The following AARS2 variants were observed in gnomAD, a reference collection of about 807,000 sequenced individuals.
The protein encoded by AARS2 is alanine--tRNA ligase, mitochondrial.
Under a neutral mutation model 119.7 loss-of-function variants are expected in AARS2, and 78 were observed. The ratio of observed to expected loss-of-function variants is 0.65; its 90% confidence interval spans 0.54 to 0.79. AARS2 has a LOEUF of 0.79. AARS2 is among the 30% of genes least tolerant of loss of function. AARS2 has a pLI of 0.00. For missense variants in AARS2, 1,157 were observed against 1,291.3 expected, an observed-to-expected ratio of 0.90 and a Z score of 1.59; for synonymous variants, 502 against 526.3, an observed-to-expected ratio of 0.95 and a Z score of 0.63.
rs545566267 is a variant in AARS2, at chr6:44,312,205, C to T, written c.302G>A (p.Arg101His). The change falls in exon 2 of 22, where the codon CGT (arginine) becomes CAT (histidine). Residue 101 changes from arginine (R) to histidine (H), a missense_variant. Transcript: ENST00000244571. ...CACACATTTCTGGCTGTTGGCCACA[C>T]GTCGGAAGCCTGCCATCTCGCTTCG... ...DPRSEMAGFR[R>H]VANSQKCVRA... The T allele has an allele frequency of 4.3e-6, 7 of 1,614,008 alleles. No individual in the cohort carries two copies. The African/African-American group carries it at 6.7e-5, about 15-fold the overall frequency.
At chr6:44,312,286 G>C (rs1786427763) in intron 1 of AARS2, 23 bp from the exon 2 acceptor site, 1 of 1,609,360 alleles carries the variant, frequency 6.2e-7, no homozygotes. Context: ...AGAGTGGGGA[G>C]GGGGAGAGGG....
rs1248848341 is a variant in AARS2 at position 44,304,709 on chromosome 6, T to C, written c.1688A>G (p.Asn563Ser). The change falls in exon 12 of 22, where the codon AAC becomes AGC. Residue 563 changes from asparagine (N) to serine (S), a missense_variant. Physicochemically the swap from Asn to Ser is conservative, Grantham distance 46. Coordinates refer to ENST00000244571, the MANE Select transcript of AARS2 (RefSeq NM_020745.4). ...QRCGLLLDRT[N>S]FYAEQGGQAS... The stretch of plus-strand genomic sequence containing the variant: ...CTGGCCCCCCTGTTCTGCGTAGAAG[T>C]TGGTCCTGTCCAAGAGGAGGCCACA... 2 of 1,614,076 alleles carry C rather than the reference T, an allele frequency of 1.2e-6. No homozygotes were observed. Among genetic ancestry groups the C allele is most frequent in the Non-Finnish European group, 1.7e-6 (2 of 1,180,040 alleles).
Position 44,302,080 on chromosome 6 carries a change from G to A in AARS2, c.2578C>T (p.Arg860Cys), listed in dbSNP as rs150351026. 34 of 1,613,986 alleles carry A rather than the reference G, an allele frequency of 2.1e-5. No individual in the cohort carries two copies. The African/African-American group carries it at 2.4e-4, about 11-fold the overall frequency. Residue 860 changes from arginine (R) to cysteine (C), a missense_variant, in exon 19 of 22, where the codon CGT becomes TGT. By Grantham distance (180) the Arg-to-Cys change is radical (BLOSUM62 -3). Transcript: ENST00000244571. ...MLQRRANTAI[R>C]KLQMGQAAKK... is the part of the protein sequence containing the mutation. ...CTCACCTGTCCCATTTGCAGCTTAC[G>A]GATGGCAGTGTTGGCACGCCGCTGC...
chr6:44,305,920 G>T lies in AARS2; in HGVS notation c.1301-134C>A. The T allele has an allele frequency of 9.0e-7, 1 of 1,110,478 alleles. No individual in the cohort carries two copies. The allele number at this position is 1,110,478 out of a possible 1,614,324, so 68.8% of individuals were successfully genotyped here. A position where few individuals can be genotyped will look rare whatever the true frequency, so the allele number is the denominator to read the frequency against. On this transcript the variant is annotated intron_variant, in intron 9 of 21. Coordinates refer to ENST00000244571, the MANE Select transcript of AARS2 (RefSeq NM_020745.4). This position sits in a 1 kb window ranked among gnomAD's most constrained non-coding sequence, Gnocchi z 4.6. ...AAACACAAATACCCGCTCCATACTG[G>T]GTAGCCTCAGGAGAGGGGTCACATT...
chr6:44,307,367 G>GGCCCAAGTAAGGGGGT lies in AARS2; in HGVS notation c.906_921dup (p.Arg308ThrfsTer24). On this transcript the variant is annotated frameshift_variant, in exon 6 of 22. Coordinates refer to ENST00000244571, the MANE Select transcript of AARS2 (RefSeq NM_020745.4). LOFTEE classifies it high-confidence loss of function. The surrounding 1 kb of genome is among the most constrained non-coding windows in gnomAD (Gnocchi z 4.4). ...CGCCCCTCGTCTGCCACCCCTACTC[G>GGCCCAAGTAAGGGGGT]GCCCAAGTAAGGGGGTGCCCTGCAG... 6.2e-7 allele frequency: 1 copy of GGCCCAAGTAAGGGGGT among 1,608,790 alleles called. No homozygotes were observed. The highest frequency in any genetic ancestry group is 1.1e-5 in the South Asian group (1 of 90,060).
chr6:44,303,353 G>A lies in AARS2; in HGVS notation c.2078C>T (p.Ala693Val). The A allele has an allele frequency of 1.2e-6, 2 of 1,614,060 alleles. No homozygotes were observed. Among genetic ancestry groups the A allele is most frequent in the Non-Finnish European group, 1.7e-6 (2 of 1,180,034 alleles). Residue 693 changes from alanine (A) to valine (V), a missense_variant, in exon 15 of 22, where the codon GCT becomes GTT. By Grantham distance (64) the Ala-to-Val change is moderately conservative. Coordinates refer to ENST00000244571, the MANE Select transcript of AARS2 (RefSeq NM_020745.4). Reference protein sequence around the residue: ...TVQEAVGQDEAVYMEEVPLAL... With the variant: ...TVQEAVGQDEVVYMEEVPLAL... Reference sequence around the variant, plus strand: ...CAGGGGCACCTCCTCCATGTACACAGCCTCATCCTGCCCCACGGCCTCCTG... The same window carrying A: ...CAGGGGCACCTCCTCCATGTACACAACCTCATCCTGCCCCACGGCCTCCTG...
Position 44,304,257 on chromosome 6 carries a change from T to G in AARS2, c.1931A>C (p.Gln644Pro). 1 of 1,614,204 alleles carries G rather than the reference T, an allele frequency of 6.2e-7. No homozygotes were observed. Among genetic ancestry groups the G allele is most frequent in the Non-Finnish European group, 8.5e-7 (1 of 1,180,030 alleles). Residue 644 changes from glutamine to proline, a missense_variant, in exon 14 of 22, where the codon CAG becomes CCG. Physicochemically the swap from Gln to Pro is moderately conservative, Grantham distance 76. Transcript: ENST00000244571. The part of the protein sequence containing the change: ...ATHLLNWALR[Q>P]TLGPGTEQQG... ...CTGCTCTGTGCCAGGGCCCAGGGTCTGCCTCAGTGCCCAGTTCAGCAGGTG... is the reference window on the plus strand; with the variant it reads ...CTGCTCTGTGCCAGGGCCCAGGGTCGGCCTCAGTGCCCAGTTCAGCAGGTG...
rs1209190663 is a variant in AARS2 at position 44,300,535 on chromosome 6, G to A, written c.*12C>T. The A allele has an allele frequency of 6.2e-7, 1 of 1,613,806 alleles. No individual in the cohort carries two copies. Among genetic ancestry groups the A allele is most frequent in the Non-Finnish European group, 8.5e-7 (1 of 1,180,042 alleles). On this transcript the variant is annotated 3_prime_UTR_variant, in exon 22 of 22. Transcript: ENST00000244571. ...TGCCTTTAGTCCATGTGGGTCCCTG[G>A]GCGGACCTGGGTCAGAGCTGGCTGA...
In AARS2 at chr6:44,300,094, C is replaced by T. The variant is rs574291006; in HGVS notation, c.*453G>A. Reference sequence around the variant, plus strand: ...TCCCAGGTTCAAGCGATTCTTCTGCCTCAGCCTCCCGAGTAGCTGGGACTA... The same window carrying T: ...TCCCAGGTTCAAGCGATTCTTCTGCTTCAGCCTCCCGAGTAGCTGGGACTA... On this transcript the variant is annotated 3_prime_UTR_variant, in exon 22 of 22. Coordinates refer to ENST00000244571, the MANE Select transcript of AARS2 (RefSeq NM_020745.4). The T allele has an allele frequency of 3.2e-5, 7 of 217,528 alleles. No individual in the cohort carries two copies. The highest frequency in any genetic ancestry group is 5.6e-5 in the Non-Finnish European group (6 of 107,124). The allele number at this position is 217,528 out of a possible 1,614,324, so 13.5% of individuals were successfully genotyped here.
At chr6:44,311,369 A>T in intron 3 of AARS2, 21 bp downstream of exon 3, 1 of 1,614,156 alleles carries the variant, frequency 6.2e-7, no homozygotes, top group Non-Finnish European at 8.5e-7. Flanking sequence ...AGGAATGAAC[A>T]TAAGAAGGGG....
chr6:44,310,008 T>G (rs1024151790), intron 5 of AARS2, among the ~76,000 whole-genome samples: 8 of 152,224 alleles, frequency 5.3e-5, no homozygotes, highest in Non-Finnish European at 1.0e-4. Flanking sequence ...ATAATCTCCA[T>G]GATCTCTTTC....
rs200250640 is a variant in AARS2 at position 44,303,219 on chromosome 6, G to A, written c.2146-44C>T. 1.9e-4 allele frequency: 305 copies of A among 1,614,002 alleles called. No individual in the cohort carries two copies. The African/African-American group carries it at 3.7e-3, about 20-fold the overall frequency. On this transcript the variant is annotated intron_variant, in intron 15 of 21. Transcript: ENST00000244571. The stretch of plus-strand genomic sequence containing the variant: ...AGGCCCGTTAACTGCCAAAGGAGAA[G>A]GATAAAGCCTCCAGGTATGCCTGAA...
intron 7 of AARS2, among the ~76,000 whole-genome samples, 186 bp downstream of exon 7, chr6:44,306,737 G>A (rs918972572): frequency 6.6e-6 from 1 of 152,158 alleles, no homozygotes; most frequent in African/African-American, 2.4e-5. Flanking sequence ...TGGAAAAGGA[G>A]CCTCCTCAAG....
chr6:44,303,734 G>C (rs140778726), intron 14 of AARS2, among the ~76,000 whole-genome samples: 63 of 152,350 alleles, frequency 4.1e-4, no homozygotes, highest in African/African-American at 1.5e-3. Flanking sequence ...ACTACAGGAT[G>C]GGGGGATGCA....
Position 44,305,003 on chromosome 6 carries a change from T to C in AARS2, c.1579+51A>G, listed in dbSNP as rs748693276. On this transcript the variant is annotated intron_variant, in intron 11 of 21. Transcript: ENST00000244571. This position sits in a 1 kb window ranked among gnomAD's most constrained non-coding sequence, Gnocchi z 4.6. ...CAGCAACCATCTTGGACATTCTTCT[T>C]AGTCATGGTCAGGCAAGCTTGTGGC... The C allele has an allele frequency of 6.2e-7, 1 of 1,613,904 alleles. No homozygotes were observed. The highest frequency in any genetic ancestry group is 8.5e-7 in the Non-Finnish European group (1 of 1,179,844).
Position 44,311,411 on chromosome 6 carries a change from C to T in AARS2, c.560G>A (p.Arg187Lys). 1 of 1,614,186 alleles carries T rather than the reference C, an allele frequency of 6.2e-7. No individual in the cohort carries two copies. Among genetic ancestry groups the T allele is most frequent in the Non-Finnish European group, 8.5e-7 (1 of 1,180,026 alleles). ...TTACCCTAAGCTCAGCCAGATGTCC[C>T]TGGTCTCCAGGTCTGGGTCCAGCCC... is the stretch of plus-strand genomic sequence containing the variant. ...KAGLDPDLET[R>K]DIWLSLGVPA... The change falls in exon 3 of 22, where the codon AGG becomes AAG. Residue 187 changes from arginine to lysine, a missense_variant. Transcript: ENST00000244571.
chr6:44,303,550 A>T, intron 14 of AARS2, 127 bp from the exon 15 acceptor site: 3 of 1,381,242 alleles, frequency 2.2e-6, no homozygotes, highest in Non-Finnish European at 3.1e-6. Context: ...CTAGCACATA[A>T]TAGGTGCTCA....
intron 5 of AARS2, 135 bp downstream of exon 5, chr6:44,310,164 C>T (rs569105855): frequency 8.7e-5 from 106 of 1,223,756 alleles, no homozygotes; most frequent in African/African-American, 6.3e-4. Flanking sequence ...TCTTGCTTGA[C>T]GTCTTGGAAT....
intron 14 of AARS2, 82 bp downstream of exon 14, chr6:44,304,099 A>G (rs1785610050): frequency 6.3e-7 from 1 of 1,599,644 alleles, no homozygotes; most frequent in African/African-American, 1.3e-5. Flanking sequence ...CCAGGACTCT[A>G]AGGGCAACCC....
Sources: gnomAD v4.1 joint callset for allele counts (sites outside exome capture counted in the v4.1 genomes callset) on GRCh38, gnomAD v4.1.1 for gene constraint, Gnocchi (gnomAD v3.1) non-coding constraint, MANE v1.5 for transcripts, NCBI Gene and HGNC (gene_info 2026-07-23, HGNC 2026-07-21) for gene names.